The following CLYBL variants were observed in gnomAD, a reference collection of about 807,000 sequenced individuals.
CLYBL encodes the protein citramalyl-CoA lyase, mitochondrial.
In CLYBL, 31 loss-of-function variants were observed where a neutral mutation model predicts 38.9. The observed-to-expected ratio is 0.80, with a 90% confidence interval of 0.60 to 1.08. The LOEUF is 1.08. Among genes scored for constraint, CLYBL ranks in the 50% least tolerant of loss-of-function variants. The probability of loss-of-function intolerance (pLI) is 0.00; values close to 1 mark genes in which losing one functional copy is unlikely to be tolerated. For missense variants in CLYBL, 434 were observed against 411.6 expected (o/e 1.05, Z -0.47); for synonymous variants, 171 against 158.6 (o/e 1.08, Z -0.59).
intron 2 of CLYBL, among the ~76,000 whole-genome samples, chr13:99,795,816 G>C (rs962011090): frequency 1.3e-5 from 2 of 152,188 alleles, no homozygotes; most frequent in African/African-American, 2.4e-5. Context: ...GGAGCCTCCA[G>C]GGGTAGAAGA....
chr13:99,891,537 A>C lies in CLYBL; in HGVS notation c.*24+100A>C, dbSNP rs1443397336. On this transcript the variant is annotated intron_variant, in intron 8 of 8. Coordinates refer to ENST00000339105, the MANE Select transcript of CLYBL (RefSeq NM_206808.5). ...TGGGACCTGACTCCATTTACAGTTC[A>C]TGTTAATCACAATTTTGTTGTTGTT... The C allele has an allele frequency of 5.4e-5, 34 of 630,626 alleles. No homozygotes were observed. The East Asian group carries it at 9.6e-4, about 18-fold the overall frequency. The allele number at this position is 630,626 out of a possible 1,614,324, so 39.1% of individuals were successfully genotyped here.
intron 2 of CLYBL, among the ~76,000 whole-genome samples, chr13:99,785,873 G>A (rs957254762): frequency 2.0e-5 from 3 of 152,108 alleles, no homozygotes; most frequent in African/African-American, 7.2e-5. Flanking sequence ...TGGGATTACA[G>A]GCGTGAGCCA....
chr13:99,744,062 T>C (rs1258353182), intron 1 of CLYBL, among the ~76,000 whole-genome samples: 1 of 137,326 alleles, frequency 7.3e-6, no homozygotes, highest in African/African-American at 2.7e-5. Context: ...AAGCTCCGCC[T>C]CCCGGGTTCA....
chr13:99,657,959 G>C (rs1312670906), intron 1 of CLYBL, among the ~76,000 whole-genome samples: 8 of 152,228 alleles, frequency 5.3e-5, no homozygotes, highest in Admixed American at 1.3e-4. Context: ...CTCGCAGTCC[G>C]GGGCAGAACC....
chr13:99,805,116 A>G (rs1472806497), intron 2 of CLYBL, among the ~76,000 whole-genome samples: 1 of 152,224 alleles, frequency 6.6e-6, no homozygotes, highest in East Asian at 1.9e-4. Flanking sequence ...GAGGCTGGAT[A>G]GTATTCCATG....
intron 2 of CLYBL, among the ~76,000 whole-genome samples, chr13:99,854,793 G>C (rs536704774): frequency 6.6e-6 from 1 of 152,122 alleles, no homozygotes; most frequent in African/African-American, 2.4e-5. Flanking sequence ...TCACCAGAGC[G>C]TGTCTCTTCC....
chr13:99,794,716 C>G (rs1440816670), intron 2 of CLYBL, among the ~76,000 whole-genome samples: 1 of 151,588 alleles, frequency 6.6e-6, no homozygotes, highest in Non-Finnish European at 1.5e-5. Flanking sequence ...CTCAGCCTCC[C>G]GAGTAGTTGG....
At chr13:99,846,314 C>T (rs1163983705) in intron 2 of CLYBL, among the ~76,000 whole-genome samples, 3 of 92,298 alleles carry the variant, frequency 3.3e-5, no homozygotes, top group Admixed American at 1.4e-4. Context: ...TTTTTTGAGA[C>T]GGGGTCTTAC....
intron 1 of CLYBL, among the ~76,000 whole-genome samples, chr13:99,695,048 C>T (rs554383131): frequency 3.5e-4 from 54 of 152,130 alleles, no homozygotes; most frequent in Non-Finnish European, 5.9e-4. Flanking sequence ...ACCGCGAGAG[C>T]GATACGGCTT....
intron 1 of CLYBL, among the ~76,000 whole-genome samples, chr13:99,738,228 A>G (rs1387926565): frequency 6.6e-6 from 1 of 152,200 alleles, no homozygotes; most frequent in African/African-American, 2.4e-5. Flanking sequence ...GCTCCTTGAA[A>G]GAACCAATCA....
In CLYBL at chr13:99,854,665, G is replaced by A. The variant is rs745412228; in HGVS notation, c.250-4196G>A. On this transcript the variant is annotated intron_variant, in intron 2 of 8. Coordinates refer to ENST00000339105, the MANE Select transcript of CLYBL (RefSeq NM_206808.5). Reference sequence around the variant, plus strand: ...TGATCATTCTGAGCTAGAAACTTGCGAGGATGATTAGTTATTAGCTTTAAT... The same window carrying A: ...TGATCATTCTGAGCTAGAAACTTGCAAGGATGATTAGTTATTAGCTTTAAT... Among the ~76,000 whole-genome samples, 6 of 152,106 alleles carry A rather than the reference G, an allele frequency of 3.9e-5. No individual in the cohort carries two copies. In the South Asian group the frequency reaches 8.3e-4, roughly 21 times the overall value.
At chr13:99,785,101 C>G (rs1566326158) in intron 2 of CLYBL, among the ~76,000 whole-genome samples, 1 of 150,140 alleles carries the variant, frequency 6.7e-6, no homozygotes, top group Non-Finnish European at 1.5e-5. Flanking sequence ...CCATGTTGGC[C>G]AGGCTCATCT....
intron 7 of CLYBL, among the ~76,000 whole-genome samples, chr13:99,873,702 TCA>T (rs1361081707): frequency 6.7e-6 from 1 of 149,620 alleles, no homozygotes; most frequent in Non-Finnish European, 1.5e-5. Context: ...TAGCTGAAGT[TCA>T]CAGTTAGTGC....
At chr13:99,710,840 A>G (rs1187279050) in intron 1 of CLYBL, among the ~76,000 whole-genome samples, 1 of 150,298 alleles carries the variant, frequency 6.7e-6, no homozygotes, top group Non-Finnish European at 1.5e-5. Context: ...ATCTCCTTCA[A>G]GCTATCGACA....
chr13:99,789,999 A>G (rs1054837401), intron 2 of CLYBL, among the ~76,000 whole-genome samples: 1 of 152,070 alleles, frequency 6.6e-6, no homozygotes, highest in Non-Finnish European at 1.5e-5. Flanking sequence ...AGTCTGTTTT[A>G]TCAAAGACTA....
intron 2 of CLYBL, among the ~76,000 whole-genome samples, chr13:99,802,911 G>A (rs555573850): frequency 5.3e-5 from 8 of 152,072 alleles, no homozygotes; most frequent in Non-Finnish European, 1.0e-4. Flanking sequence ...AGCGCTTACC[G>A]TTCACACTAG....
chr13:99,649,685 C>T (rs188867957), intron 1 of CLYBL, among the ~76,000 whole-genome samples: 7 of 151,726 alleles, frequency 4.6e-5, no homozygotes, highest in Non-Finnish European at 1.0e-4. Context: ...GGCAACAGAG[C>T]GAAACCCCAT....
intron 1 of CLYBL, among the ~76,000 whole-genome samples, chr13:99,638,152 C>T (rs1426421185): frequency 6.6e-6 from 1 of 151,900 alleles, no homozygotes; most frequent in Non-Finnish European, 1.5e-5. Context: ...GTAGAGATGT[C>T]TCCCCATGTT....
intron 1 of CLYBL, among the ~76,000 whole-genome samples, chr13:99,618,277 CTT>C (rs112680553): frequency 6.8e-6 from 1 of 146,506 alleles, no homozygotes. Context: ...ATCATTTTAA[CTT>C]TTTTTTTTTT....
Sources: gnomAD v4.1 joint callset for allele counts (sites outside exome capture counted in the v4.1 genomes callset) on GRCh38, gnomAD v4.1.1 for gene constraint, MANE v1.5 for transcripts, NCBI Gene and HGNC (gene_info 2026-07-23, HGNC 2026-07-21) for gene names.